The following ZNF776 variants were observed in gnomAD, a reference collection of about 807,000 sequenced individuals.
ZNF776 encodes zinc finger protein 776.
Under a neutral mutation model 7.0 loss-of-function variants are expected in ZNF776, and 4 were observed. That is an observed-to-expected ratio of 0.57 (90% CI 0.28 to 1.31). The LOEUF (loss-of-function observed/expected upper bound fraction) is 1.31, where lower values mean the gene tolerates loss of function less well. ZNF776 is among the 50% of genes most tolerant of loss of function. The pLI is 0.10. For missense variants in ZNF776, 555 were observed against 625.9 expected (o/e 0.89, Z 1.21); for synonymous variants, 212 against 213.7 (o/e 0.99, Z 0.07).
At position 57,753,315 on chromosome 19, in the gene ZNF776, A is replaced by G. The variant is rs769907451; in HGVS notation, c.185A>G (p.Glu62Gly). The G allele has an allele frequency of 5.0e-6, 8 of 1,610,050 alleles. No homozygotes were observed. The South Asian group carries it at 8.9e-5, about 18-fold the overall frequency. ...SLGCWYGAKD[E>G]TPSKQTLSIQ... Reference sequence around the variant, plus strand: ...GGTTGTTGGTATGGAGCAAAAGACGAGACACCTTCTAAGCAGACCCTTTCT... The same window carrying G: ...GGTTGTTGGTATGGAGCAAAAGACGGGACACCTTCTAAGCAGACCCTTTCT... Residue 62 changes from glutamate (E) to glycine (G), a missense_variant, in exon 3 of 3, where the codon GAG becomes GGG. Coordinates refer to ENST00000317178, the MANE Select transcript of ZNF776 (RefSeq NM_173632.4).
chr19:57,748,150 CG>C (rs1225313290), intron 1 of ZNF776, among the ~76,000 whole-genome samples: 4 of 152,058 alleles, frequency 2.6e-5, no homozygotes, highest in Non-Finnish European at 2.9e-5. Flanking sequence ...AGGCTTTTGC[CG>C]TAATCCAAGT....
rs140580226 is a variant in ZNF776, at chr19:57,750,635, A to G, written c.34-150A>G. ...CACTTCTTGTGGCTGATGGCTGTAC[A>G]CCATGACCAGTGAGCCCATGAGAAG... On this transcript the variant is annotated intron_variant, in intron 1 of 2. Transcript: ENST00000317178. The G allele has an allele frequency of 1.0e-4, 104 of 1,034,686 alleles. No homozygotes were observed. In the South Asian group the frequency reaches 1.9e-3, roughly 19 times the overall value. The allele number at this position is 1,034,686 out of a possible 1,614,324, so 64.1% of individuals were successfully genotyped here. A position where few individuals can be genotyped will look rare whatever the true frequency, so the allele number is the denominator to read the frequency against.
At chr19:57,748,201 G>A (rs1422475853) in intron 1 of ZNF776, among the ~76,000 whole-genome samples, 1 of 152,158 alleles carries the variant, frequency 6.6e-6, no homozygotes, top group Admixed American at 6.5e-5. Flanking sequence ...AGGAGATGTG[G>A]CTGGATTCAA....
In ZNF776 at chr19:57,753,394, G is replaced by A; in HGVS notation, c.264G>A (p.Lys88=). Reference sequence around the variant, plus strand: ...ATTGGACAGGTGTATGTACCAAGAAGGTCCACCTCTGGGGAATGTGTGGCC... The same window carrying A: ...ATTGGACAGGTGTATGTACCAAGAAAGTCCACCTCTGGGGAATGTGTGGCC... ...RTHWTGVCTK[K]VHLWGMCGPL... Residue 88 remains lysine, a synonymous_variant, in exon 3 of 3, where the codon AAG becomes AAA. Transcript: ENST00000317178. The A allele has an allele frequency of 6.2e-7, 1 of 1,614,206 alleles. No homozygotes were observed. The highest frequency in any genetic ancestry group is 8.5e-7 in the Non-Finnish European group (1 of 1,180,046).
intron 1 of ZNF776, chr19:57,749,381 T>TA (rs1381118674): frequency 6.6e-6 from 1 of 152,244 alleles, no homozygotes; most frequent in Non-Finnish European, 1.5e-5. Context: ...TATCTGAAGT[T>TA]ACATGTGGTT....
chr19:57,749,530 A>G (rs1256057704), intron 1 of ZNF776, among the ~76,000 whole-genome samples: 3 of 152,222 alleles, frequency 2.0e-5, no homozygotes, highest in Non-Finnish European at 4.4e-5. Flanking sequence ...TGTCAGCCAT[A>G]TTGTGGTATA....
At position 57,753,989 on chromosome 19, in the gene ZNF776, A is replaced by G. The variant is rs756897170; in HGVS notation, c.859A>G (p.Thr287Ala). 6 of 1,614,230 alleles carry G rather than the reference A, an allele frequency of 3.7e-6. No individual in the cohort carries two copies. Among genetic ancestry groups the G allele is most frequent in the Non-Finnish European group, 5.1e-6 (6 of 1,180,040 alleles). The change falls in exon 3 of 3, where the codon ACT becomes GCT. Residue 287 changes from threonine (T) to alanine (A), a missense_variant. Coordinates refer to ENST00000317178, the MANE Select transcript of ZNF776 (RefSeq NM_173632.4). The stretch of plus-strand genomic sequence containing the variant: ...CCTCACTGAACACCAGAGAGTTCAC[A>G]CTGGAGAAAGACCTTATGAGTGTGG... Reference protein sequence around the residue: ...AHLTEHQRVHTGERPYECGEC... With the variant: ...AHLTEHQRVHAGERPYECGEC...
chr19:57,748,689 A>C (rs1009412268), intron 1 of ZNF776, among the ~76,000 whole-genome samples: 1 of 152,198 alleles, frequency 6.6e-6, no homozygotes, highest in African/African-American at 2.4e-5. Flanking sequence ...GTAAGTGACC[A>C]TGATGGTAGG....
chr19:57,755,030 A>G lies in ZNF776; in HGVS notation c.*343A>G. ...GGCCATATGACTGTAAGGAATTTGT[A>G]AAATTATTTAGCCAGAAGAGCTGCA... is the stretch of plus-strand genomic sequence containing the variant. On this transcript the variant is annotated 3_prime_UTR_variant, in exon 3 of 3. Transcript: ENST00000317178. 1 of 241,956 alleles carries G rather than the reference A, an allele frequency of 4.1e-6. No homozygotes were observed. The highest frequency in any genetic ancestry group is 5.0e-5 in the Admixed American group (1 of 19,900). The allele number at this position is 241,956 out of a possible 1,614,324, so 15.0% of individuals were successfully genotyped here.
intron 1 of ZNF776, chr19:57,749,338 C>T (rs912380971): frequency 2.0e-5 from 3 of 152,140 alleles, no homozygotes; most frequent in Non-Finnish European, 2.9e-5. Flanking sequence ...AAGGGTAAGC[C>T]ATTGTAGCAC....
rs1986739386 is a variant in ZNF776 at position 57,755,120 on chromosome 19, TGA to T, written c.*436_*437del. 5.3e-6 allele frequency: 1 copy of T among 188,596 alleles called. No homozygotes were observed. The highest frequency in any genetic ancestry group is 1.1e-5 in the Non-Finnish European group (1 of 89,848). The allele number at this position is 188,596 out of a possible 1,614,324, so 11.7% of individuals were successfully genotyped here. The stretch of plus-strand genomic sequence containing the variant: ...ATAATAATTTCTCACATAATAAATG[TGA>T]GAAATCATTTCCGTACAGCTCTGCG... On this transcript the variant is annotated 3_prime_UTR_variant, in exon 3 of 3. Coordinates refer to ENST00000317178, the MANE Select transcript of ZNF776 (RefSeq NM_173632.4).
chr19:57,747,272 A>G (rs961380324), intron 1 of ZNF776, among the ~76,000 whole-genome samples, 181 bp downstream of exon 1: 1 of 152,224 alleles, frequency 6.6e-6, no homozygotes, highest in Non-Finnish European at 1.5e-5. Context: ...CTACAGGCAC[A>G]GGGAGCGGTG....
intron 2 of ZNF776, 103 bp downstream of exon 2, chr19:57,751,014 A>C: frequency 1.5e-6 from 2 of 1,354,016 alleles, no homozygotes; most frequent in Non-Finnish European, 2.0e-6. Flanking sequence ...GAGCCTGGGC[A>C]CAGGTTCCTC....
chr19:57,752,419 T>C (rs1490724317), intron 2 of ZNF776, among the ~76,000 whole-genome samples: 1 of 152,242 alleles, frequency 6.6e-6, no homozygotes, highest in Non-Finnish European at 1.5e-5. Context: ...CTTTATGTCA[T>C]CCATGTCTCA....
At chr19:57,753,231 G>T in intron 2 of ZNF776, 60 bp from the exon 3 acceptor site, 1 of 1,518,088 alleles carries the variant, frequency 6.6e-7, no homozygotes, top group Non-Finnish European at 9.0e-7. Flanking sequence ...ATCAGGTATG[G>T]CTTAGTAATA....
rs991313711 is a variant in ZNF776 at position 57,756,954 on chromosome 19, G to A, written c.*2267G>A. On this transcript the variant is annotated 3_prime_UTR_variant, in exon 3 of 3. Transcript: ENST00000317178. The stretch of plus-strand genomic sequence containing the variant: ...TGCGGCCTCAAACTCCTGGGCTCAA[G>A]TGATCCTCCTGCCTCAGCCTCCCGA... 2.4e-6 allele frequency: 1 copy of A among 425,148 alleles called. No homozygotes were observed. Among genetic ancestry groups the A allele is most frequent in the African/African-American group, 2.1e-5 (1 of 48,430 alleles). 26.3% of individuals were successfully genotyped at this position (425,148 alleles called of 1,614,324 possible).
intron 1 of ZNF776, among the ~76,000 whole-genome samples, chr19:57,749,877 G>A (rs1209803342): frequency 6.6e-6 from 1 of 152,138 alleles, no homozygotes; most frequent in Admixed American, 6.5e-5. Context: ...CCCCTATGTG[G>A]TCCTTCATGA....
intron 1 of ZNF776, among the ~76,000 whole-genome samples, chr19:57,750,222 G>A (rs770199729): frequency 2.9e-4 from 43 of 150,660 alleles, no homozygotes; most frequent in African/African-American, 8.8e-4. Flanking sequence ...TCAGGATTTC[G>A]AGACTAACCT....
chr19:57,751,868 G>GTTTTTTTTTTTTTTTTTTTTT (rs768825787), intron 2 of ZNF776, among the ~76,000 whole-genome samples: 1 of 67,506 alleles, frequency 1.5e-5, no homozygotes, highest in Non-Finnish European at 2.7e-5. Context: ...TTTTGGTTTT[G>GTTTTTTTTTTTTTTTTTTTTT]TTTTTTTTTT....
Sources: allele counts gnomAD v4.1 joint callset (sites outside exome capture counted in the v4.1 genomes callset), GRCh38; gene constraint gnomAD v4.1.1; transcripts MANE v1.5; gene names NCBI Gene and HGNC (gene_info 2026-07-23, HGNC 2026-07-21).